Variants in SNTB1 observed in about 807,000 individuals in gnomAD.
SNTB1 encodes syntrophin beta 1.
A neutral mutation model predicts 48.9 loss-of-function variants in SNTB1; 36 were observed. The observed-to-expected ratio is 0.74, with a 90% CI of 0.56 to 0.97. The LOEUF (loss-of-function observed/expected upper bound fraction) is 0.97. Among genes scored for constraint, SNTB1 ranks in the 50% least tolerant of loss-of-function variants. The pLI, the probability that SNTB1 is intolerant of heterozygous loss-of-function variation, is 0.00. For synonymous variants in SNTB1, 299 were observed against 294.6 expected, an observed-to-expected ratio of 1.01 and a Z score of -0.15; for missense variants, 786 against 703.4, an observed-to-expected ratio of 1.12 and a Z score of -1.33.
intron 1 of SNTB1, among the ~76,000 whole-genome samples, chr8:120,752,415 A>C (rs1190038756): frequency 6.6e-6 from 1 of 152,146 alleles, no homozygotes; most frequent in African/African-American, 2.4e-5. Context: ...CCTCATAAGA[A>C]TTTGATCCAT....
intron 1 of SNTB1, among the ~76,000 whole-genome samples, chr8:120,695,155 A>G (rs1818191693): frequency 6.6e-6 from 1 of 152,176 alleles, no homozygotes; most frequent in Admixed American, 6.5e-5. Flanking sequence ...AGATTGGGCT[A>G]AGTCCCTCAC....
intron 1 of SNTB1, among the ~76,000 whole-genome samples, chr8:120,781,566 ATAAGT>A (rs1174001809): frequency 2.0e-5 from 3 of 152,232 alleles, no homozygotes; most frequent in Non-Finnish European, 4.4e-5. Flanking sequence ...TGAGACTCAG[ATAAGT>A]TAAGTGGGTG....
chr8:120,734,515 C>T (rs940624900), intron 1 of SNTB1, among the ~76,000 whole-genome samples: 3 of 151,648 alleles, frequency 2.0e-5, no homozygotes, highest in South Asian at 4.2e-4. Flanking sequence ...GCTTGCTATG[C>T]GCCAGGCTTT....
chr8:120,617,554 CA>C (rs1816734926), intron 3 of SNTB1, among the ~76,000 whole-genome samples: 1 of 152,202 alleles, frequency 6.6e-6, no homozygotes. Flanking sequence ...TAGAATAGAA[CA>C]CCTACCTGAC....
At chr8:120,584,438 CAA>C (rs11443743) in intron 3 of SNTB1, among the ~76,000 whole-genome samples, 4 of 57,078 alleles carry the variant, frequency 7.0e-5, no homozygotes, top group South Asian at 8.5e-4. Context: ...AACTCCATCT[CAA>C]AAAAAAAAAA....
intron 2 of SNTB1, among the ~76,000 whole-genome samples, chr8:120,644,232 T>A (rs1307322291): frequency 6.6e-6 from 1 of 151,476 alleles, no homozygotes; most frequent in African/African-American, 2.4e-5. Flanking sequence ...TACATATGTA[T>A]ACATGTGCCA....
intron 1 of SNTB1, among the ~76,000 whole-genome samples, chr8:120,802,320 A>G (rs563998693): frequency 6.6e-6 from 1 of 152,190 alleles, no homozygotes; most frequent in South Asian, 2.1e-4. Context: ...TCAAACTTTC[A>G]AAGAAGTTTG....
chr8:120,761,436 A>T (rs1272597990), intron 1 of SNTB1: 2 of 152,210 alleles, frequency 1.3e-5, no homozygotes, highest in African/African-American at 4.8e-5. Flanking sequence ...AGCATTCAAC[A>T]CTAATCTCTA....
At chr8:120,612,796 G>C (rs1444893722) in intron 3 of SNTB1, among the ~76,000 whole-genome samples, 1 of 152,152 alleles carries the variant, frequency 6.6e-6, no homozygotes, top group East Asian at 1.9e-4. Flanking sequence ...ATACATATTT[G>C]TGGCACACGT....
intron 1 of SNTB1, among the ~76,000 whole-genome samples, chr8:120,711,088 C>T (rs1347662646): frequency 6.6e-6 from 1 of 152,154 alleles, no homozygotes; most frequent in East Asian, 1.9e-4. Context: ...TTGGTGTTGT[C>T]TGTGGTAGAA....
At chr8:120,724,842 G>A (rs1291564075) in intron 1 of SNTB1, among the ~76,000 whole-genome samples, 1 of 152,194 alleles carries the variant, frequency 6.6e-6, no homozygotes, top group Non-Finnish European at 1.5e-5. Context: ...GGAAGACTGT[G>A]GGTGAAATGC....
chr8:120,778,618 G>C (rs1202093332), intron 1 of SNTB1, among the ~76,000 whole-genome samples: 2 of 152,182 alleles, frequency 1.3e-5, no homozygotes, highest in Non-Finnish European at 2.9e-5. Flanking sequence ...AGAAATTAGT[G>C]GTGGTGGGAA....
At chr8:120,682,060 G>A (rs1209014664) in intron 2 of SNTB1, among the ~76,000 whole-genome samples, 1 of 150,672 alleles carries the variant, frequency 6.6e-6, no homozygotes, top group Non-Finnish European at 1.5e-5. Context: ...ACAGGTAAAA[G>A]GTGAACAAAA....
chr8:120,684,111 G>A (rs1466297433), intron 2 of SNTB1, among the ~76,000 whole-genome samples: 2 of 152,124 alleles, frequency 1.3e-5, no homozygotes. Context: ...GCCTCACAGT[G>A]CCTATTATGT....
chr8:120,700,156 C>CGTGTGTGTGTGTGTGT (rs58077307), intron 1 of SNTB1, among the ~76,000 whole-genome samples: 12 of 149,276 alleles, frequency 8.0e-5, no homozygotes, highest in African/African-American at 2.7e-4. Flanking sequence ...AAAAAAATTG[C>CGTGTGTGTGTGTGTGT]GTGTGTGTGT....
intron 4 of SNTB1, among the ~76,000 whole-genome samples, chr8:120,552,794 T>C (rs1563815481): frequency 6.6e-6 from 1 of 152,150 alleles, no homozygotes; most frequent in Non-Finnish European, 1.5e-5. Flanking sequence ...TTATTGCTAT[T>C]ATTATTACAT....
chr8:120,715,143 C>A (rs1391442965), intron 1 of SNTB1, among the ~76,000 whole-genome samples: 1 of 152,218 alleles, frequency 6.6e-6, no homozygotes, highest in East Asian at 1.9e-4. Flanking sequence ...ACATGCACAG[C>A]TCCATTTCCT....
rs140580737 is a variant in SNTB1 at position 120,802,760 on chromosome 8, CATATT to C, written c.571+8508_571+8512del. Among the ~76,000 whole-genome samples, 733 of 152,192 alleles carry C rather than the reference CATATT, an allele frequency of 4.8e-3. 5 individuals are homozygous for C. Among genetic ancestry groups the C allele is most frequent in the Non-Finnish European group, 7.6e-3 (518 of 68,008 alleles). On this transcript the variant is annotated intron_variant, in intron 1 of 6. Transcript: ENST00000517992. ...ATACTTAGCTAAGCATGAAATGTGACATATTATATAATTTAGGACTTACCAAATTC... is the reference window on the plus strand; with the variant it reads ...ATACTTAGCTAAGCATGAAATGTGACATATAATTTAGGACTTACCAAATTC...
Position 120,538,870 on chromosome 8 carries a change from C to T in SNTB1, c.*7G>A. On this transcript the variant is annotated 3_prime_UTR_variant, in exon 7 of 7. Transcript: ENST00000517992. ...CTTCTTTTCTCAAAGGCAAGTCACC[C>T]CTGTCTTCAGGCCACCAAGCCCAGT... 1.2e-6 allele frequency: 2 copies of T among 1,611,448 alleles called. No individual in the cohort carries two copies. The highest frequency in any genetic ancestry group is 8.5e-7 in the Non-Finnish European group (1 of 1,178,078).
Sources: allele counts gnomAD v4.1 joint callset (sites outside exome capture counted in the v4.1 genomes callset), GRCh38; gene constraint gnomAD v4.1.1; transcripts MANE v1.5; gene names NCBI Gene and HGNC (gene_info 2026-07-23, HGNC 2026-07-21).